Variants in PAPPA observed in about 807,000 individuals in gnomAD.
The protein encoded by PAPPA is pappalysin-1.
A neutral mutation model predicts 164.0 loss-of-function variants in PAPPA; 60 were observed. That is an observed-to-expected ratio of 0.37 (90% CI 0.30 to 0.45). The LOEUF (loss-of-function observed/expected upper bound fraction) is 0.45, where lower values mean the gene tolerates loss of function less well. Among genes scored for constraint, PAPPA ranks in the 20% least tolerant of loss-of-function variants. The pLI, the probability that PAPPA is intolerant of heterozygous loss-of-function variation, is 1.00. For missense variants in PAPPA, 1,782 were observed against 2,087.3 expected (o/e 0.85, Z 2.85); for synonymous variants, 875 against 814.1 (o/e 1.07, Z -1.27).
intron 21 of PAPPA, among the ~76,000 whole-genome samples, chr9:116,388,347 T>G (rs952543686): frequency 1.3e-5 from 2 of 152,166 alleles, no homozygotes; most frequent in Non-Finnish European, 2.9e-5. Flanking sequence ...TGGTTTCCCT[T>G]CATGACAAAA....
At position 116,377,655 on chromosome 9, in the gene PAPPA, A is replaced by C. The variant is rs1456951571; in HGVS notation, c.4677+8A>C. 2 of 1,602,962 alleles carry C rather than the reference A, an allele frequency of 1.2e-6. No individual in the cohort carries two copies. The highest frequency in any genetic ancestry group is 1.7e-6 in the Non-Finnish European group (2 of 1,169,790). ...TGTGTCAAAGGCTGTGAGGTGAGTC[A>C]CAAGGAAGGCACTCCTCAGTTCCCT... is the stretch of plus-strand genomic sequence containing the variant. On this transcript the variant is annotated splice_region_variant and intron_variant, in intron 20 of 21. Transcript: ENST00000328252.
intron 10 of PAPPA, among the ~76,000 whole-genome samples, chr9:116,310,283 G>A (rs1349924890): frequency 6.6e-6 from 1 of 152,182 alleles, no homozygotes; most frequent in African/African-American, 2.4e-5. Context: ...GTGGTGGAAG[G>A]AGGAAAGGCG....
intron 5 of PAPPA, among the ~76,000 whole-genome samples, chr9:116,224,438 T>C (rs2118715750): frequency 6.6e-6 from 1 of 152,328 alleles, no homozygotes; most frequent in East Asian, 1.9e-4. Context: ...CCAAAGATGT[T>C]CTAGGCTTTC....
At position 116,383,791 on chromosome 9, in the gene PAPPA, G is replaced by A. The variant is rs116605268; in HGVS notation, c.4776+1298G>A. ...AGCATGCCTACCCTTCTTTGGTTTC[G>A]GTTTGGTTTTGATTTTTGATTGATA... On this transcript the variant is annotated intron_variant, in intron 21 of 21. Coordinates refer to ENST00000328252, the MANE Select transcript of PAPPA (RefSeq NM_002581.5). 7.9e-3 allele frequency among the ~76,000 whole-genome samples: 1,195 copies of A among 152,196 alleles called. 20 individuals are homozygous for A. The highest frequency in any genetic ancestry group is 0.027 in the African/African-American group (1,111 of 41,528).
At chr9:116,204,582 T>C (rs55760822) in intron 2 of PAPPA, among the ~76,000 whole-genome samples, 1 of 151,960 alleles carries the variant, frequency 6.6e-6, no homozygotes, top group African/African-American at 2.4e-5. Context: ...CCCAGCTAAA[T>C]TTTTTGAATT....
chr9:116,300,592 AG>A (rs1415861133), intron 9 of PAPPA, among the ~76,000 whole-genome samples: 2 of 152,218 alleles, frequency 1.3e-5, no homozygotes, highest in African/African-American at 4.8e-5. Flanking sequence ...CTCTTTTGAT[AG>A]TATTTCACTG....
At chr9:116,284,089 G>C (rs1045207404) in intron 9 of PAPPA, among the ~76,000 whole-genome samples, 3 of 152,104 alleles carry the variant, frequency 2.0e-5, no homozygotes, top group African/African-American at 7.2e-5. Context: ...TATGTGCCAG[G>C]TTCATGCTAG....
chr9:116,334,731 G>A (rs972484804), intron 12 of PAPPA, 130 bp from the exon 13 acceptor site: 13 of 642,322 alleles, frequency 2.0e-5, no homozygotes, highest in East Asian at 1.4e-4. Flanking sequence ...AATCCTCACC[G>A]GCCGCCCAAT....
chr9:116,374,182 ATGG>A (rs572308931), intron 19 of PAPPA, among the ~76,000 whole-genome samples: 41 of 115,484 alleles, frequency 3.6e-4, no homozygotes, highest in African/African-American at 1.0e-3. Context: ...GATGATGATG[ATGG>A]TGGTGATGAT....
At chr9:116,317,852 C>G (rs1359253882) in intron 10 of PAPPA, among the ~76,000 whole-genome samples, 1 of 151,922 alleles carries the variant, frequency 6.6e-6, no homozygotes, top group Non-Finnish European at 1.5e-5. Context: ...CTCTCTTGAT[C>G]TGATCCAGAG....
At position 116,271,346 on chromosome 9, in the gene PAPPA, C is replaced by T. The variant is rs751713023; in HGVS notation, c.2883C>T (p.Asp961=). 4.5e-5 allele frequency: 72 copies of T among 1,613,704 alleles called. No individual in the cohort carries two copies. The highest frequency in any genetic ancestry group is 3.3e-4 in the Middle Eastern group (2 of 6,082). The change falls in exon 9 of 22, where the codon GAC becomes GAT. Residue 961 remains aspartate (D), a synonymous_variant. Transcript: ENST00000328252. The surrounding 1 kb of genome is among the most constrained non-coding windows in gnomAD (Gnocchi z 4.2). Reference sequence around the variant, plus strand: ...GCAGAGACCAAGGTGAACAATGCGACGACATGAATAAGATCAATGGTGATG... The same window carrying T: ...GCAGAGACCAAGGTGAACAATGCGATGACATGAATAAGATCAATGGTGATG... ...IIQKDQGEQC[D]DMNKINGDGC...
At chr9:116,159,330 G>T (rs746561530) in intron 1 of PAPPA, among the ~76,000 whole-genome samples, 1 of 152,218 alleles carries the variant, frequency 6.6e-6, no homozygotes, top group Non-Finnish European at 1.5e-5. Flanking sequence ...CTAGGAAGTA[G>T]CTGCATCTCT....
intron 9 of PAPPA, among the ~76,000 whole-genome samples, chr9:116,288,301 A>G (rs7036503): frequency 0.59 from 90,201 of 152,010 alleles, 27,107 homozygotes; most frequent in Non-Finnish European, 0.64. Context: ...CCCGAGAGGC[A>G]GAGGTTGCAG....
intron 7 of PAPPA, among the ~76,000 whole-genome samples, chr9:116,260,033 A>G (rs1160890171): frequency 1.3e-5 from 2 of 152,226 alleles, no homozygotes; most frequent in Admixed American, 1.3e-4. Flanking sequence ...TGTGATCTCA[A>G]ACAATGCTAA....
intron 19 of PAPPA, among the ~76,000 whole-genome samples, chr9:116,368,218 AC>A (rs755819174): frequency 1.3e-4 from 20 of 152,294 alleles, no homozygotes; most frequent in Non-Finnish European, 2.5e-4. Flanking sequence ...TCCAAGCTTT[AC>A]CTGTTTTGGG....
At position 116,395,713 on chromosome 9, in the gene PAPPA, A is replaced by G. The variant is rs551251068; in HGVS notation, c.4777-796A>G. On this transcript the variant is annotated intron_variant, in intron 21 of 21. Coordinates refer to ENST00000328252, the MANE Select transcript of PAPPA (RefSeq NM_002581.5). Reference sequence around the variant, plus strand: ...CAACTGTATTGAACTCAGTTCTCTCACTTGTTCGTATGCTAAAATCTGCTT... The same window carrying G: ...CAACTGTATTGAACTCAGTTCTCTCGCTTGTTCGTATGCTAAAATCTGCTT... Among the ~76,000 whole-genome samples the G allele has an allele frequency of 4.6e-5, 7 of 152,280 alleles. No individual in the cohort carries two copies. The East Asian group carries it at 1.2e-3, about 25-fold the overall frequency.
chr9:116,174,323 C>T (rs1324062440), intron 1 of PAPPA, among the ~76,000 whole-genome samples: 4 of 152,152 alleles, frequency 2.6e-5, no homozygotes, highest in Non-Finnish European at 4.4e-5. Context: ...GAAAGGCTCA[C>T]CCTAGGCTGT....
At chr9:116,376,922 T>C (rs531859519) in intron 19 of PAPPA, among the ~76,000 whole-genome samples, 8 of 152,166 alleles carry the variant, frequency 5.3e-5, no homozygotes, top group Non-Finnish European at 1.2e-4. Context: ...ATAGGTTGGT[T>C]CATAATAGCC....
chr9:116,174,157 G>A lies in PAPPA; in HGVS notation c.416-12997G>A, dbSNP rs74660008. Among the ~76,000 whole-genome samples, 8 of 152,172 alleles carry A rather than the reference G, an allele frequency of 5.3e-5. No homozygotes were observed. In the East Asian group the frequency reaches 5.8e-4, roughly 11 times the overall value. ...CTGAGTTATCTATGCAAAGAGTTTC[G>A]CACAATACCTGGCACACAGTAATCA... is the stretch of plus-strand genomic sequence containing the variant. On this transcript the variant is annotated intron_variant, in intron 1 of 21. Coordinates refer to ENST00000328252, the MANE Select transcript of PAPPA (RefSeq NM_002581.5).
Sources: gnomAD v4.1 joint callset for allele counts (sites outside exome capture counted in the v4.1 genomes callset) on GRCh38, gnomAD v4.1.1 for gene constraint, Gnocchi (gnomAD v3.1) non-coding constraint, MANE v1.5 for transcripts, NCBI Gene and HGNC (gene_info 2026-07-23, HGNC 2026-07-21) for gene names.